Variants in SYT1 observed in about 807,000 individuals in gnomAD.
The protein encoded by SYT1 is synaptotagmin 1, also known as synaptotagmin-1.
Under a neutral mutation model 44.8 loss-of-function variants are expected in SYT1, and 8 were observed. The observed-to-expected ratio is 0.18, with a 90% CI of 0.10 to 0.32. SYT1 has a LOEUF of 0.32. Ranked by LOEUF, SYT1 falls within the 10% of genes least tolerant of loss-of-function variation. SYT1 has a pLI of 1.00. For missense variants in SYT1, 286 were observed against 509.3 expected, an observed-to-expected ratio of 0.56 and a Z score of 4.22; for synonymous variants, 154 against 188.8, an observed-to-expected ratio of 0.82 and a Z score of 1.51.
At chr12:79,394,070 A>C (rs1884775599) in intron 9 of SYT1, 1 of 152,210 alleles carries the variant, frequency 6.6e-6, no homozygotes, top group South Asian at 2.1e-4. Flanking sequence ...CTAACCTAGA[A>C]GCTATAGCAG....
At position 79,026,319 on chromosome 12, in the gene SYT1, C is replaced by A. The variant is rs1056277987; in HGVS notation, c.-83-20978C>A. Among the ~76,000 whole-genome samples the A allele has an allele frequency of 2.0e-5, 3 of 151,450 alleles. No individual in the cohort carries two copies. In the Admixed American group the frequency reaches 2.0e-4, roughly 10 times the overall value. Reference sequence around the variant, plus strand: ...ATTGCTTCTTGATGAAGGAGGAGTGCATGTCCTAGTTATAGAAATGAGGAA... The same window carrying A: ...ATTGCTTCTTGATGAAGGAGGAGTGAATGTCCTAGTTATAGAAATGAGGAA... On this transcript the variant is annotated intron_variant, in intron 2 of 10. Transcript: ENST00000261205.
chr12:79,250,115 A>G (rs1324753379), intron 4 of SYT1, among the ~76,000 whole-genome samples: 1 of 152,234 alleles, frequency 6.6e-6, no homozygotes, highest in Non-Finnish European at 1.5e-5. Context: ...CCAAAGTTTT[A>G]CCAATAATAT....
chr12:79,087,113 G>A (rs1237397433), intron 3 of SYT1, among the ~76,000 whole-genome samples: 12 of 152,094 alleles, frequency 7.9e-5, no homozygotes, highest in Admixed American at 7.2e-4. Context: ...GCCTTTTCTA[G>A]CTTTATGATT....
At chr12:79,340,604 C>T (rs1042408109) in intron 8 of SYT1, among the ~76,000 whole-genome samples, 18 of 152,172 alleles carry the variant, frequency 1.2e-4, no homozygotes, top group African/African-American at 4.1e-4. Flanking sequence ...ACAATCATGT[C>T]ATCTGCAAAC....
At chr12:79,206,433 C>A (rs547124276) in intron 3 of SYT1, among the ~76,000 whole-genome samples, 2 of 151,952 alleles carry the variant, frequency 1.3e-5, no homozygotes, top group African/African-American at 4.8e-5. Flanking sequence ...CTGTGTTGAG[C>A]GTACGTTGAG....
chr12:79,038,432 G>A (rs1873289184), intron 2 of SYT1, among the ~76,000 whole-genome samples: 1 of 151,676 alleles, frequency 6.6e-6, no homozygotes, highest in South Asian at 2.1e-4. Flanking sequence ...GCCATACAGT[G>A]CTTTATTTTT....
At chr12:79,439,089 C>T (rs1870255084) in intron 9 of SYT1, among the ~76,000 whole-genome samples, 2 of 152,114 alleles carry the variant, frequency 1.3e-5, no homozygotes, top group Non-Finnish European at 2.9e-5. Flanking sequence ...TCTCTAATTC[C>T]TCATTTTCAG....
chr12:78,873,499 T>G (rs1173533857), intron 1 of SYT1, among the ~76,000 whole-genome samples: 1 of 151,744 alleles, frequency 6.6e-6, no homozygotes, highest in East Asian at 1.9e-4. Flanking sequence ...GTCACTAGGC[T>G]AAGTTGGCCT....
At chr12:78,959,401 A>G (rs1283802354) in intron 1 of SYT1, among the ~76,000 whole-genome samples, 1 of 152,168 alleles carries the variant, frequency 6.6e-6, no homozygotes, top group African/African-American at 2.4e-5. Flanking sequence ...AGTTACTGAG[A>G]TAATCTTATT....
chr12:79,029,310 C>G (rs1237462932), intron 2 of SYT1, among the ~76,000 whole-genome samples: 1 of 148,350 alleles, frequency 6.7e-6, no homozygotes, highest in Non-Finnish European at 1.5e-5. Context: ...TGTTTCTTTT[C>G]TTTTTTAATT....
At chr12:79,046,904 G>C (rs1340860078) in intron 2 of SYT1, among the ~76,000 whole-genome samples, 1 of 151,840 alleles carries the variant, frequency 6.6e-6, no homozygotes, top group Non-Finnish European at 1.5e-5. Flanking sequence ...ATTTGTAATA[G>C]TCATATTGGT....
intron 1 of SYT1, among the ~76,000 whole-genome samples, chr12:78,915,988 TA>T (rs1379808133): frequency 6.6e-6 from 1 of 152,074 alleles, no homozygotes; most frequent in Non-Finnish European, 1.5e-5. Context: ...GTTGTGTTGA[TA>T]GGGATGATTT....
intron 8 of SYT1, among the ~76,000 whole-genome samples, chr12:79,333,251 G>A (rs571477107): frequency 7.0e-4 from 107 of 152,240 alleles, no homozygotes; most frequent in African/African-American, 2.1e-3. Flanking sequence ...GATGAAGTCC[G>A]CTTACTGGCT....
chr12:79,034,754 G>A (rs1873021764), intron 2 of SYT1, among the ~76,000 whole-genome samples: 1 of 151,590 alleles, frequency 6.6e-6, no homozygotes, highest in Non-Finnish European at 1.5e-5. Context: ...GAATATAAAG[G>A]TCCAGGATAC....
chr12:78,968,818 A>C (rs554408674), intron 1 of SYT1, among the ~76,000 whole-genome samples: 1 of 152,302 alleles, frequency 6.6e-6, no homozygotes, highest in South Asian at 2.1e-4. Flanking sequence ...CCATTCACTC[A>C]ACAAATATTT....
chr12:79,367,510 C>T lies in SYT1; in HGVS notation c.928+13891C>T, dbSNP rs563284924. 8.5e-5 allele frequency among the ~76,000 whole-genome samples: 13 copies of T among 152,258 alleles called. No individual in the cohort carries two copies. The South Asian group carries it at 2.5e-3, about 29-fold the overall frequency. ...AGGTTTCATCTTTCACCTGTCTCTA[C>T]AAATTCTTAATCTCCACAAGTAGTC... On this transcript the variant is annotated intron_variant, in intron 9 of 10. Transcript: ENST00000261205.
chr12:79,306,661 T>C (rs1027378417), intron 8 of SYT1, among the ~76,000 whole-genome samples: 1 of 152,230 alleles, frequency 6.6e-6, no homozygotes, highest in Non-Finnish European at 1.5e-5. Context: ...ATTGTTTTAA[T>C]AGAAATCAAT....
chr12:78,901,446 G>T (rs935987093), intron 1 of SYT1, among the ~76,000 whole-genome samples: 6 of 152,084 alleles, frequency 3.9e-5, no homozygotes, highest in Non-Finnish European at 7.4e-5. Flanking sequence ...GTTCAAAAGG[G>T]ATTGGAGACA....
intron 2 of SYT1, among the ~76,000 whole-genome samples, chr12:79,037,960 G>A (rs1052833617): frequency 6.6e-6 from 1 of 151,556 alleles, no homozygotes. Context: ...TAATGAAAAT[G>A]GCATTTTATT....
Sources: gnomAD v4.1 joint callset for allele counts (sites outside exome capture counted in the v4.1 genomes callset) on GRCh38, gnomAD v4.1.1 for gene constraint, MANE v1.5 for transcripts, NCBI Gene and HGNC (gene_info 2026-07-23, HGNC 2026-07-21) for gene names.